The following KLHDC4 variants were observed in gnomAD, a reference collection of about 807,000 sequenced individuals.
KLHDC4 encodes kelch domain-containing protein 4.
KLHDC4 carries 90 observed loss-of-function variants against 62.4 expected under a neutral mutation model. That is an observed-to-expected ratio of 1.44 (90% CI 1.22 to 1.72). The LOEUF is 1.72. Ranked by LOEUF, KLHDC4 falls within the 40% of genes most tolerant of loss-of-function variation. The pLI is 0.00. For synonymous variants in KLHDC4, 386 were observed against 284.4 expected (o/e 1.36, Z -3.59); for missense variants, 1,025 against 699.7 (o/e 1.47, Z -5.25).
Position 87,755,296 on chromosome 16 carries a change from C to G in KLHDC4, c.271-4G>C. On this transcript the variant is annotated splice_region_variant and splice_polypyrimidine_tract_variant and intron_variant, in intron 3 of 11. Transcript: ENST00000270583. ...AGAGCTCGTTATACAAAAAAGTCTACAGGAAGGAAGAAGAATGTCAGTGTC... is the reference window on the plus strand; with the variant it reads ...AGAGCTCGTTATACAAAAAAGTCTAGAGGAAGGAAGAAGAATGTCAGTGTC... 2 of 1,530,236 alleles carry G rather than the reference C, an allele frequency of 1.3e-6. No homozygotes were observed. The highest frequency in any genetic ancestry group is 1.8e-6 in the Non-Finnish European group (2 of 1,104,750). 94.8% of individuals were successfully genotyped at this position (1,530,236 alleles called of 1,614,324 possible).
chr16:87,761,883 T>G (rs559865812), intron 2 of KLHDC4, 66 bp downstream of exon 2: 13 of 1,484,954 alleles, frequency 8.8e-6, no homozygotes, highest in Non-Finnish European at 1.2e-5. Context: ...CTGGTGCTAT[T>G]TAAAGCAGTT....
chr16:87,737,175 T>A (rs957785520), intron 5 of KLHDC4, among the ~76,000 whole-genome samples: 3 of 144,686 alleles, frequency 2.1e-5, no homozygotes, highest in Admixed American at 6.9e-5. Context: ...AGGAAAGCAG[T>A]CAGTGGCACA....
downstream of KLHDC4, among the ~76,000 whole-genome samples, chr16:87,705,332 C>T (rs1226991219): frequency 1.3e-5 from 2 of 152,240 alleles, no homozygotes; most frequent in Non-Finnish European, 2.9e-5. Context: ...CAGAGCTCCG[C>T]CCAGGAATCC....
rs376147322 is a variant in KLHDC4 at position 87,762,023 on chromosome 16, G to C, written c.117C>G (p.Leu39=). The C allele has an allele frequency of 2.5e-6, 4 of 1,613,796 alleles. No homozygotes were observed. Among genetic ancestry groups the C allele is most frequent in the East Asian group, 4.5e-5 (2 of 44,892 alleles). The part of the protein sequence containing the change: ...SRKEEEDLEA[L]IAHFQTLDAK... ...CATCGAGTGTCTGGAAATGGGCTAT[G>C]AGCGCTTCCAGGTCTTCCTAGGGCA... Residue 39 remains leucine (L), a synonymous_variant, in exon 2 of 12, where the codon CTC becomes CTG. Coordinates refer to ENST00000270583, the MANE Select transcript of KLHDC4 (RefSeq NM_017566.4).
intron 5 of KLHDC4, among the ~76,000 whole-genome samples, chr16:87,746,577 C>T (rs547759743): frequency 2.0e-5 from 3 of 152,270 alleles, no homozygotes; most frequent in African/African-American, 7.2e-5. Flanking sequence ...CAATGCTCCG[C>T]GAGGTATCTC....
chr16:87,718,306 CCCCTCT>C (rs1198771786), intron 7 of KLHDC4, among the ~76,000 whole-genome samples: 10 of 85,032 alleles, frequency 1.2e-4, no homozygotes, highest in African/African-American at 4.3e-4. Flanking sequence ...CCTCTCCCTC[CCCCTCT>C]CCCTCCCCCT....
At chr16:87,727,041 C>T (rs1317757570) in intron 6 of KLHDC4, 117 bp from the exon 7 acceptor site, 7 of 1,040,790 alleles carry the variant, frequency 6.7e-6, no homozygotes, top group Non-Finnish European at 9.8e-6. Flanking sequence ...AAAACTCAAA[C>T]CATTTTTCTC....
chr16:87,764,646 C>CCAAAAAAA (rs2046347584), intron 1 of KLHDC4, among the ~76,000 whole-genome samples: 3 of 33,838 alleles, frequency 8.9e-5, no homozygotes, highest in Non-Finnish European at 1.1e-4. Context: ...GAAACTCCTT[C>CCAAAAAAA]AAAAAAAAAA....
intron 5 of KLHDC4, among the ~76,000 whole-genome samples, chr16:87,734,497 T>A (rs533966142): frequency 1.3e-5 from 2 of 152,172 alleles, no homozygotes; most frequent in African/African-American, 4.8e-5. Flanking sequence ...CTGGAGCGAA[T>A]TCGGTTCTCA....
chr16:87,707,906 G>A lies in KLHDC4; in HGVS notation c.*171C>T, dbSNP rs202104779. On this transcript the variant is annotated 3_prime_UTR_variant, in exon 12 of 12. Coordinates refer to ENST00000270583, the MANE Select transcript of KLHDC4 (RefSeq NM_017566.4). ...AGTTGAACTTCCGGCCCAGTGCCGC[G>A]TCAGAGACTAAACCATGGGAGAAAG... 40 of 458,078 alleles carry A rather than the reference G, an allele frequency of 8.7e-5. No homozygotes were observed. Among genetic ancestry groups the A allele is most frequent in the Admixed American group, 4.5e-4 (19 of 42,560 alleles). 28.4% of individuals were successfully genotyped at this position (458,078 alleles called of 1,614,324 possible).
intron 4 of KLHDC4, among the ~76,000 whole-genome samples, chr16:87,752,004 G>T (rs1180716478): frequency 7.2e-6 from 1 of 139,662 alleles, no homozygotes; most frequent in Non-Finnish European, 1.5e-5. Flanking sequence ...GAACCCGGGA[G>T]GCATGAACCC....
chr16:87,730,468 T>C (rs530448948), intron 6 of KLHDC4, 84 bp downstream of exon 6: 179 of 1,153,174 alleles, frequency 1.6e-4, no homozygotes, highest in Non-Finnish European at 2.1e-4. Context: ...TGCGTCTTTC[T>C]TGTGTATTCA....
chr16:87,726,974 C>A (rs1415543155), intron 6 of KLHDC4, 50 bp from the exon 7 acceptor site: 2 of 1,590,852 alleles, frequency 1.3e-6, no homozygotes, highest in Non-Finnish European at 8.6e-7. Flanking sequence ...GGGAAAAGCC[C>A]TGACATTAAA....
intron 5 of KLHDC4, among the ~76,000 whole-genome samples, chr16:87,745,846 T>C (rs185796307): frequency 6.6e-6 from 1 of 152,152 alleles, no homozygotes; most frequent in South Asian, 2.1e-4. Context: ...TGCAGACCAT[T>C]TGTCACCGCT....
chr16:87,698,561 C>T (rs1164582482), exon 1 of KLHDC4: 1 of 152,278 alleles, frequency 6.6e-6, no homozygotes, highest in East Asian at 1.9e-4. Context: ...CAGTCAGCTC[C>T]TGCCGCAACA....
intron 7 of KLHDC4, among the ~76,000 whole-genome samples, chr16:87,718,228 T>A (rs2037390367): frequency 6.6e-6 from 1 of 152,104 alleles, no homozygotes; most frequent in Admixed American, 6.5e-5. Flanking sequence ...TCTATTAGCA[T>A]ACACCAAACC....
At chr16:87,719,369 C>G (rs1396078062) in intron 7 of KLHDC4, among the ~76,000 whole-genome samples, 2 of 152,184 alleles carry the variant, frequency 1.3e-5, no homozygotes, top group Admixed American at 6.5e-5. Context: ...TAACCTTACC[C>G]CCAACCCTGT....
At chr16:87,749,898 T>TTA (rs1328113108) in intron 4 of KLHDC4, among the ~76,000 whole-genome samples, 2 of 152,166 alleles carry the variant, frequency 1.3e-5, no homozygotes, top group African/African-American at 4.8e-5. Flanking sequence ...TTATGAATGA[T>TTA]TAATAAAGAC....
At chr16:87,735,224 C>T (rs1308877113) in intron 5 of KLHDC4, among the ~76,000 whole-genome samples, 1 of 150,548 alleles carries the variant, frequency 6.6e-6, no homozygotes, top group East Asian at 2.0e-4. Context: ...GGCGTGAACC[C>T]GGGAGGCGGA....
Sources: gnomAD v4.1 joint callset for allele counts (sites outside exome capture counted in the v4.1 genomes callset) on GRCh38, gnomAD v4.1.1 for gene constraint, MANE v1.5 for transcripts, NCBI Gene and HGNC (gene_info 2026-07-23, HGNC 2026-07-21) for gene names.